UCHL3: variants seen among roughly 807,000 people sequenced by gnomAD.
UCHL3 encodes ubiquitin carboxyl-terminal hydrolase isozyme L3.
A neutral mutation model predicts 35.8 loss-of-function variants in UCHL3; 22 were observed. The ratio of observed to expected loss-of-function variants is 0.61; its 90% CI spans 0.44 to 0.88. UCHL3 has a LOEUF of 0.88. Among genes scored for constraint, UCHL3 ranks in the 40% least tolerant of loss-of-function variants. The pLI is 0.00. For synonymous variants in UCHL3, 90 were observed against 92.8 expected, an observed-to-expected ratio of 0.97 and a Z score of 0.17; for missense variants, 229 against 276.9, an observed-to-expected ratio of 0.83 and a Z score of 1.23.
In UCHL3 at chr13:75,564,298, C is replaced by T. The variant is rs548242388; in HGVS notation, c.184-2397C>T. 9.9e-4 allele frequency among the ~76,000 whole-genome samples: 151 copies of T among 152,024 alleles called. 1 individual carries two copies. In the South Asian group the frequency reaches 0.031, roughly 31 times the overall value. On this transcript the variant is annotated intron_variant, in intron 3 of 8. Coordinates refer to ENST00000377595, the MANE Select transcript of UCHL3 (RefSeq NM_006002.5). ...CCCGAGTAGCTGGGACTACAGGTGC[C>T]TGCCACCACGCCCGGCTTATTTTTT...
intron 6 of UCHL3, among the ~76,000 whole-genome samples, chr13:75,589,416 A>G (rs2032415450): frequency 6.6e-6 from 1 of 152,192 alleles, no homozygotes; most frequent in African/African-American, 2.4e-5. Context: ...CCTAAGTAGG[A>G]GGATAGTTTA....
chr13:75,588,089 GCTAA>G (rs1376458800), intron 6 of UCHL3, among the ~76,000 whole-genome samples: 1 of 152,122 alleles, frequency 6.6e-6, no homozygotes, highest in Non-Finnish European at 1.5e-5. Context: ...AAAGTAAGAG[GCTAA>G]CTGATTAAAT....
intron 3 of UCHL3, among the ~76,000 whole-genome samples, chr13:75,565,716 G>A (rs1305691917): frequency 1.3e-5 from 2 of 152,098 alleles, no homozygotes; most frequent in South Asian, 2.1e-4. Context: ...TGCTGACCCC[G>A]CTCTATTGGA....
chr13:75,567,952 G>A (rs1393567970), intron 5 of UCHL3, among the ~76,000 whole-genome samples: 1 of 151,930 alleles, frequency 6.6e-6, no homozygotes, highest in African/African-American at 2.4e-5. Flanking sequence ...ATCTTTTATT[G>A]GGAATTTGGA....
At chr13:75,591,844 G>T (rs1019604911) in intron 6 of UCHL3, among the ~76,000 whole-genome samples, 1 of 152,116 alleles carries the variant, frequency 6.6e-6, no homozygotes, top group Non-Finnish European at 1.5e-5. Context: ...GGGATGAGAA[G>T]TGTTTTGGAT....
intron 6 of UCHL3, among the ~76,000 whole-genome samples, chr13:75,577,017 A>G (rs765382416): frequency 1.3e-5 from 2 of 152,182 alleles, no homozygotes; most frequent in Non-Finnish European, 2.9e-5. Context: ...TGGGAGGCCA[A>G]GAAGGGAGGA....
intron 3 of UCHL3, among the ~76,000 whole-genome samples, chr13:75,561,426 TTTC>T (rs1020322074): frequency 1.7e-4 from 26 of 152,232 alleles, no homozygotes; most frequent in African/African-American, 6.0e-4. Context: ...TTTGGTAAAT[TTTC>T]TTCTTTAATA....
At chr13:75,574,399 A>G (rs550902326) in intron 6 of UCHL3, among the ~76,000 whole-genome samples, 23 of 152,244 alleles carry the variant, frequency 1.5e-4, no homozygotes, top group Admixed American at 2.6e-4. Context: ...TGTAGGTCCC[A>G]TGAGGAAATA....
intron 6 of UCHL3, among the ~76,000 whole-genome samples, chr13:75,580,951 A>G (rs1277635528): frequency 6.6e-6 from 1 of 152,230 alleles, no homozygotes; most frequent in Non-Finnish European, 1.5e-5. Context: ...CTAGTAATTT[A>G]AGGCAAATAT....
chr13:75,567,275 G>T lies in UCHL3; in HGVS notation c.389G>T (p.Ser130Ile). 6.2e-7 allele frequency: 1 copy of T among 1,614,102 alleles called. No homozygotes were observed. The highest frequency in any genetic ancestry group is 8.5e-7 in the Non-Finnish European group (1 of 1,180,014). Residue 130 changes from serine to isoleucine, a missense_variant, in exon 5 of 9, where the codon AGC becomes ATC. Physicochemically the swap from Ser to Ile is moderately radical, Grantham distance 142. Coordinates refer to ENST00000377595, the MANE Select transcript of UCHL3 (RefSeq NM_006002.5). ...KKFLEESVSM[S>I]PEERARYLEN... ...TTCCTGGAGGAATCTGTGTCAATGA[G>T]CCCTGAAGAACGAGCCAGATACCTG...
At chr13:75,557,135 AG>A (rs1335026919) in intron 2 of UCHL3, among the ~76,000 whole-genome samples, 2 of 152,112 alleles carry the variant, frequency 1.3e-5, no homozygotes, top group African/African-American at 4.8e-5. Context: ...GGATTCCTTC[AG>A]CTCAGGAATT....
chr13:75,554,036 C>T (rs952349132), intron 2 of UCHL3, among the ~76,000 whole-genome samples: 4 of 152,126 alleles, frequency 2.6e-5, no homozygotes, highest in Non-Finnish European at 5.9e-5. Flanking sequence ...CTCTTTGTGT[C>T]TTAGTTCCTT....
rs74493971 is a variant in UCHL3 at position 75,553,578 on chromosome 13, C to T, written c.54+3591C>T. Among the ~76,000 whole-genome samples, 24 of 152,300 alleles carry T rather than the reference C, an allele frequency of 1.6e-4. 1 individual carries two copies. Among genetic ancestry groups the T allele is most frequent in the Middle Eastern group, 3.4e-3 (1 of 294 alleles). On this transcript the variant is annotated intron_variant, in intron 2 of 8. Coordinates refer to ENST00000377595, the MANE Select transcript of UCHL3 (RefSeq NM_006002.5). ...CATCTCCCTTCCAACTTCTAAGGAG[C>T]GCCTCAGCCACTTCATCCTAGACTG...
chr13:75,561,327 C>A (rs2031488936), intron 3 of UCHL3, among the ~76,000 whole-genome samples: 1 of 152,090 alleles, frequency 6.6e-6, no homozygotes, highest in Non-Finnish European at 1.5e-5. Context: ...ATTAGGCAAT[C>A]TAGTCAGTAA....
intron 7 of UCHL3, among the ~76,000 whole-genome samples, chr13:75,599,457 T>G (rs2032724673): frequency 6.6e-6 from 1 of 152,216 alleles, no homozygotes; most frequent in Non-Finnish European, 1.5e-5. Context: ...ATGGCAATCT[T>G]GCTTTGAGCA....
At chr13:75,603,647 A>G (rs1029235079) in intron 7 of UCHL3, among the ~76,000 whole-genome samples, 4 of 151,352 alleles carry the variant, frequency 2.6e-5, no homozygotes, top group African/African-American at 9.7e-5. Flanking sequence ...AGAATAGTCT[A>G]TTGAAGAATA....
At chr13:75,554,993 T>A (rs572222447) in intron 2 of UCHL3, among the ~76,000 whole-genome samples, 4 of 152,306 alleles carry the variant, frequency 2.6e-5, no homozygotes, top group Non-Finnish European at 5.9e-5. Context: ...GAACATGCGG[T>A]ATTTGGTTTT....
chr13:75,551,867 G>A (rs944519409), intron 2 of UCHL3, among the ~76,000 whole-genome samples: 2 of 152,138 alleles, frequency 1.3e-5, no homozygotes, highest in African/African-American at 4.8e-5. Flanking sequence ...ATCTGAACAG[G>A]AGCTGGTGAT....
chr13:75,566,277 G>A (rs1034643582), intron 3 of UCHL3, among the ~76,000 whole-genome samples: 1 of 152,158 alleles, frequency 6.6e-6, no homozygotes, highest in Non-Finnish European at 1.5e-5. Flanking sequence ...TTCTAAATCA[G>A]AATATGTAAA....
Sources: gnomAD v4.1 joint callset for allele counts (sites outside exome capture counted in the v4.1 genomes callset) on GRCh38, gnomAD v4.1.1 for gene constraint, MANE v1.5 for transcripts, NCBI Gene and HGNC (gene_info 2026-07-23, HGNC 2026-07-21) for gene names.